ARID2: variants seen among roughly 807,000 people sequenced by gnomAD.
ARID2 encodes AT-rich interaction domain 2.
Under a neutral mutation model 184.6 loss-of-function variants are expected in ARID2, and 32 were observed. The observed-to-expected ratio is 0.17, with a 90% CI of 0.13 to 0.23. The LOEUF is 0.23. Ranked by LOEUF, ARID2 falls within the 10% of genes least tolerant of loss-of-function variation. The probability of loss-of-function intolerance (pLI) is 1.00; values close to 1 mark genes in which losing one functional copy is unlikely to be tolerated. For synonymous variants in ARID2, 836 were observed against 772.6 expected (o/e 1.08, Z -1.36); for missense variants, 1,696 against 2,197.6 (o/e 0.77, Z 4.56).
At chr12:45,776,781 C>CTTTTTT (rs745431917) in intron 3 of ARID2, among the ~76,000 whole-genome samples, 2 of 112,458 alleles carry the variant, frequency 1.8e-5, no homozygotes, top group African/African-American at 3.7e-5. Flanking sequence ...GAGATTCCGG[C>CTTTTTT]TTTTTTTTTT....
intron 11 of ARID2, among the ~76,000 whole-genome samples, chr12:45,843,781 C>T (rs1450948088): frequency 6.6e-6 from 1 of 152,136 alleles, no homozygotes; most frequent in Non-Finnish European, 1.5e-5. Flanking sequence ...TGCAGATTTA[C>T]CTCAGTTGAT....
chr12:45,876,828 G>T (rs972536579), intron 16 of ARID2, among the ~76,000 whole-genome samples: 13 of 149,862 alleles, frequency 8.7e-5, no homozygotes, highest in African/African-American at 2.9e-4. Context: ...GGTGGCTCAC[G>T]CCTGTAATCC....
At chr12:45,766,695 T>C (rs1374720450) in intron 3 of ARID2, among the ~76,000 whole-genome samples, 1 of 147,386 alleles carries the variant, frequency 6.8e-6, no homozygotes, top group East Asian at 2.0e-4. Flanking sequence ...TTGTATTTTT[T>C]AGTAGGGACA....
At chr12:45,801,869 A>G (rs1397330543) in intron 3 of ARID2, among the ~76,000 whole-genome samples, 1 of 152,192 alleles carries the variant, frequency 6.6e-6, no homozygotes, top group African/African-American at 2.4e-5. Flanking sequence ...CAATTGGTGT[A>G]TCTGGATCTG....
intron 3 of ARID2, among the ~76,000 whole-genome samples, chr12:45,807,562 G>C (rs1194618472): frequency 6.6e-6 from 1 of 152,044 alleles, no homozygotes; most frequent in African/African-American, 2.4e-5. Flanking sequence ...TATTGTGCTA[G>C]TCTTTATAGT....
chr12:45,901,605 G>T (rs1225034544), intron 20 of ARID2, among the ~76,000 whole-genome samples: 1 of 151,980 alleles, frequency 6.6e-6, no homozygotes, highest in Non-Finnish European at 1.5e-5. Flanking sequence ...TTCCCAATCT[G>T]TGTATGGTTA....
At chr12:45,842,982 A>G (rs899956942) in intron 11 of ARID2, among the ~76,000 whole-genome samples, 1 of 152,152 alleles carries the variant, frequency 6.6e-6, no homozygotes, top group African/African-American at 2.4e-5. Context: ...ATAGATGAAG[A>G]TAGAATTTAC....
intron 20 of ARID2, among the ~76,000 whole-genome samples, chr12:45,897,581 G>T (rs1406251134): frequency 1.3e-5 from 2 of 152,124 alleles, no homozygotes; most frequent in African/African-American, 4.8e-5. Flanking sequence ...AGAATTACCT[G>T]TTTCATTCAG....
chr12:45,822,338 C>CA (rs1039477472), intron 6 of ARID2, among the ~76,000 whole-genome samples: 38 of 151,528 alleles, frequency 2.5e-4, no homozygotes, highest in African/African-American at 8.2e-4. Flanking sequence ...CCCATCCCTA[C>CA]AAAAAAAAGT....
chr12:45,869,774 T>C (rs1424872408), intron 16 of ARID2, among the ~76,000 whole-genome samples: 1 of 151,384 alleles, frequency 6.6e-6, no homozygotes, highest in Non-Finnish European at 1.5e-5. Context: ...TCCCAGCTAA[T>C]AAGGAGGCTG....
chr12:45,841,712 T>A (rs1438936532), intron 11 of ARID2: 1 of 152,226 alleles, frequency 6.6e-6, no homozygotes, highest in Admixed American at 6.5e-5. Flanking sequence ...GTGCTTTTTG[T>A]ATGCAGTGGA....
intron 11 of ARID2, chr12:45,840,535 T>C (rs1943325287): frequency 6.6e-6 from 1 of 152,190 alleles, no homozygotes. Context: ...CACTTTTTCC[T>C]TTCAGCTAGA....
intron 3 of ARID2, among the ~76,000 whole-genome samples, chr12:45,750,421 G>A (rs539198878): frequency 6.6e-6 from 1 of 152,252 alleles, no homozygotes. Context: ...TGAAATATTG[G>A]GAGAATTACC....
At position 45,852,497 on chromosome 12, in the gene ARID2, A is replaced by G. The variant is rs1943572835; in HGVS notation, c.4374A>G (p.Ser1458=). 6.2e-7 allele frequency: 1 copy of G among 1,614,182 alleles called. No homozygotes were observed. The highest frequency in any genetic ancestry group is 1.3e-5 in the African/African-American group (1 of 75,064). Residue 1458 remains serine, a synonymous_variant, in exon 15 of 21, where the codon TCA becomes TCG. Coordinates refer to ENST00000334344, the MANE Select transcript of ARID2 (RefSeq NM_152641.4). ...LNGPLASSLN[S]DVPQQRPSVV... is the part of the protein sequence containing the mutation. ...GACCTCTAGCTTCAAGTTTGAATTC[A>G]GATGTGCCTCAGCAACGCCCAAGTG... is the stretch of plus-strand genomic sequence containing the variant.
At chr12:45,842,170 G>A (rs1943354570) in intron 11 of ARID2, 5 of 150,732 alleles carry the variant, frequency 3.3e-5, no homozygotes, top group Admixed American at 3.3e-4. Context: ...GTCAAAGGCT[G>A]TAGTGAGCTA....
intron 20 of ARID2, among the ~76,000 whole-genome samples, chr12:45,899,901 C>T (rs1944435367): frequency 6.6e-6 from 1 of 151,408 alleles, no homozygotes; most frequent in African/African-American, 2.4e-5. Flanking sequence ...CATTTATTGA[C>T]TTCCCTTTTA....
In ARID2 at chr12:45,895,832, C is replaced by T. The variant is rs576867709; in HGVS notation, c.5363+2111C>T. Among the ~76,000 whole-genome samples the T allele has an allele frequency of 3.9e-5, 6 of 152,210 alleles. No homozygotes were observed. The East Asian group carries it at 1.2e-3, about 29-fold the overall frequency. On this transcript the variant is annotated intron_variant, in intron 20 of 20. Coordinates refer to ENST00000334344, the MANE Select transcript of ARID2 (RefSeq NM_152641.4). Reference sequence around the variant, plus strand: ...ACAGGTGTGAGCCACCGCACCTGGCCAGTAATTCCATTTACAATAGCATCA... The same window carrying T: ...ACAGGTGTGAGCCACCGCACCTGGCTAGTAATTCCATTTACAATAGCATCA...
In ARID2 at chr12:45,905,221, C is replaced by G. The variant is rs934209371; in HGVS notation, c.*143C>G. The G allele has an allele frequency of 5.2e-5, 39 of 748,304 alleles. No homozygotes were observed. In the Middle Eastern group the frequency reaches 1.2e-3, roughly 22 times the overall value. The allele number at this position is 748,304 out of a possible 1,614,324, so 46.4% of individuals were successfully genotyped here. On this transcript the variant is annotated 3_prime_UTR_variant, in exon 21 of 21. Transcript: ENST00000334344. The stretch of plus-strand genomic sequence containing the variant: ...CTCCCATGATGCTGAGAGGAAGCTT[C>G]GTATTCTGATCTCTGAGTGAATCCC...
chr12:45,845,961 T>A (rs967963736), intron 11 of ARID2: 8 of 152,314 alleles, frequency 5.3e-5, no homozygotes, highest in African/African-American at 1.9e-4. Context: ...ATTTATAATA[T>A]GACTTTATAC....
Sources: gnomAD v4.1 joint callset for allele counts (sites outside exome capture counted in the v4.1 genomes callset) on GRCh38, gnomAD v4.1.1 for gene constraint, MANE v1.5 for transcripts, NCBI Gene and HGNC (gene_info 2026-07-23, HGNC 2026-07-21) for gene names.